The following OPN4 variants were observed in gnomAD, a reference collection of about 807,000 sequenced individuals.
The protein encoded by OPN4 is opsin 4, also known as melanopsin.
Under a neutral mutation model 49.5 loss-of-function variants are expected in OPN4, and 43 were observed. That is an observed-to-expected ratio of 0.87 (90% CI 0.68 to 1.12). The LOEUF is 1.12. OPN4 is among the 50% of genes most tolerant of loss of function. The pLI is 0.00. For synonymous variants in OPN4, 263 were observed against 258.0 expected (o/e 1.02, Z -0.19); for missense variants, 657 against 643.9 (o/e 1.02, Z -0.22).
At chr10:86,664,538 C>G (rs922382633) in intron 9 of OPN4, among the ~76,000 whole-genome samples, 6 of 152,198 alleles carry the variant, frequency 3.9e-5, no homozygotes, top group Admixed American at 1.3e-4. Context: ...TTCGCCCCAG[C>G]TGACAGCTCC....
chr10:86,663,576 A>C, intron 8 of OPN4, 83 bp from the exon 9 acceptor site: 1 of 1,296,768 alleles, frequency 7.7e-7, no homozygotes, highest in Non-Finnish European at 1.0e-6. Context: ...TGGGAGGATG[A>C]AGGAGGGCCT....
rs143330369 is a variant in OPN4, at chr10:86,654,797, C to T, written c.14C>T (p.Ser5Leu). The change falls in exon 1 of 10, where the codon TCG becomes TTG. Residue 5 changes from serine to leucine, a missense_variant. Ser to Leu is a moderately radical substitution (Grantham distance 145). Transcript: ENST00000241891. Reference protein sequence around the residue: MNPPSGPRVPPSPTQ... With the variant: MNPPLGPRVPPSPTQ... ...TCCCAACTCAGGATGAACCCTCCTTCGGGGCCAAGAGTCCCGCCCAGCCCA... is the reference window on the plus strand; with the variant it reads ...TCCCAACTCAGGATGAACCCTCCTTTGGGGCCAAGAGTCCCGCCCAGCCCA... 2.4e-4 allele frequency: 394 copies of T among 1,612,120 alleles called. 1 individual carries two copies. In the African/African-American group the frequency reaches 4.7e-3, roughly 19 times the overall value.
At position 86,658,540 on chromosome 10, in the gene OPN4, CT is replaced by C; in HGVS notation, c.482del (p.Leu161ArgfsTer11). ...ALFGISSMIT[L>X]TAIALDRYLV... ...CTTTGGCATTTCCTCCATGATCACC[CT>C]GACGGCCATCGCCCTGGACCGCTAC... On this transcript the variant is annotated frameshift_variant, in exon 4 of 10. Transcript: ENST00000241891. LOFTEE classifies it high-confidence loss of function. 6.2e-7 allele frequency: 1 copy of C among 1,614,240 alleles called. No individual in the cohort carries two copies. Among genetic ancestry groups the C allele is most frequent in the Non-Finnish European group, 8.5e-7 (1 of 1,180,050 alleles).
intron 9 of OPN4, among the ~76,000 whole-genome samples, chr10:86,664,143 C>A (rs576097778): frequency 3.9e-5 from 6 of 152,288 alleles, no homozygotes; most frequent in African/African-American, 1.4e-4. Flanking sequence ...GAGCATAGCT[C>A]GAGCATGTGT....
At chr10:86,665,370 T>C (rs1844130723) in intron 9 of OPN4, among the ~76,000 whole-genome samples, 1 of 151,918 alleles carries the variant, frequency 6.6e-6, no homozygotes, top group African/African-American at 2.4e-5. Context: ...AGGAAAGGGA[T>C]GACCCATTTA....
At chr10:86,665,605 C>A in intron 9 of OPN4, 108 bp from the exon 10 acceptor site, 1 of 897,622 alleles carries the variant, frequency 1.1e-6, no homozygotes, top group Non-Finnish European at 1.8e-6. Flanking sequence ...CTGGCCCTTC[C>A]ATGCAACCTC....
chr10:86,661,909 C>T (rs958106418), intron 7 of OPN4, among the ~76,000 whole-genome samples: 1 of 152,140 alleles, frequency 6.6e-6, no homozygotes, highest in Non-Finnish European at 1.5e-5. Context: ...TGAGCCCGTC[C>T]AGCACAGAGG....
At chr10:86,656,646 G>A (rs111804753) in intron 2 of OPN4, among the ~76,000 whole-genome samples, 2 of 152,068 alleles carry the variant, frequency 1.3e-5, no homozygotes, top group Non-Finnish European at 2.9e-5. Flanking sequence ...CTCCCCCTGC[G>A]TTGAAGAGCA....
At chr10:86,657,808 C>A (rs1482929740) in intron 2 of OPN4, among the ~76,000 whole-genome samples, 1 of 152,180 alleles carries the variant, frequency 6.6e-6, no homozygotes, top group Admixed American at 6.5e-5. Flanking sequence ...TTGGGGTCCT[C>A]ACTCAGCAGA....
chr10:86,664,877 A>G (rs1844107184), intron 9 of OPN4, among the ~76,000 whole-genome samples: 1 of 152,182 alleles, frequency 6.6e-6, no homozygotes, highest in Admixed American at 6.5e-5. Context: ...TTGGAGGGAT[A>G]GGCTCAGGGG....
chr10:86,657,411 C>T (rs1411508777), intron 2 of OPN4, among the ~76,000 whole-genome samples: 1 of 152,082 alleles, frequency 6.6e-6, no homozygotes, highest in Non-Finnish European at 1.5e-5. Flanking sequence ...CTGGCCCGGC[C>T]GTGGTGCACA....
Position 86,660,055 on chromosome 10 carries a change from G to T in OPN4, c.961G>T (p.Ala321Ser). The T allele has an allele frequency of 6.2e-7, 1 of 1,614,174 alleles. No individual in the cohort carries two copies. Among genetic ancestry groups the T allele is most frequent in the Non-Finnish European group, 8.5e-7 (1 of 1,179,998 alleles). The change falls in exon 6 of 10, where the codon GCT becomes TCT. Residue 321 changes from alanine to serine, a missense_variant. By Grantham distance (99) the Ala-to-Ser change is moderately conservative. Transcript: ENST00000241891. The part of the protein sequence containing the change: ...PYSAVALVAF[A>S]GYAHVLTPYM... ...TTCCGCTGTGGCCCTGGTGGCCTTT[G>T]CTGGGTAAGCAGTGGCTAAAGGGTT... is the stretch of plus-strand genomic sequence containing the variant.
chr10:86,657,676 C>T (rs1242254848), intron 2 of OPN4, among the ~76,000 whole-genome samples: 1 of 152,122 alleles, frequency 6.6e-6, no homozygotes, highest in East Asian at 1.9e-4. Flanking sequence ...TGGTGTGAGT[C>T]GTGCAGAGGA....
intron 9 of OPN4, among the ~76,000 whole-genome samples, chr10:86,664,691 C>T (rs775521348): frequency 6.6e-6 from 1 of 152,184 alleles, no homozygotes; most frequent in African/African-American, 2.4e-5. Context: ...CATCCAAGAA[C>T]GAAAGCCCTG....
At chr10:86,661,100 C>G (rs963706575) in intron 6 of OPN4, among the ~76,000 whole-genome samples, 181 bp from the exon 7 acceptor site, 1 of 148,504 alleles carries the variant, frequency 6.7e-6, no homozygotes, top group Non-Finnish European at 1.5e-5. Flanking sequence ...GCCACTCCAG[C>G]ATGGGCGACA....
chr10:86,664,577 A>C (rs1844100186), intron 9 of OPN4, among the ~76,000 whole-genome samples: 1 of 152,200 alleles, frequency 6.6e-6, no homozygotes, highest in East Asian at 1.9e-4. Context: ...ACACCCACAC[A>C]ACACCCTCAG....
intron 2 of OPN4, 38 bp downstream of exon 2, chr10:86,656,338 G>A (rs1305698777): frequency 1.3e-6 from 2 of 1,555,506 alleles, no homozygotes; most frequent in East Asian, 2.3e-5. Flanking sequence ...GGCACTGAGG[G>A]TGGCAGCCAT....
At chr10:86,659,765 C>A in intron 5 of OPN4, 130 bp from the exon 6 acceptor site, 3 of 981,074 alleles carry the variant, frequency 3.1e-6, no homozygotes, top group South Asian at 1.6e-5. Flanking sequence ...GGGCTGCCTG[C>A]ACTGGAAGGA....
At chr10:86,659,529 C>A in intron 5 of OPN4, 61 bp downstream of exon 5, 1 of 1,563,866 alleles carries the variant, frequency 6.4e-7, no homozygotes, top group South Asian at 1.2e-5. Context: ...CCAGGCGGCC[C>A]CTGCCCCACC....
Sources: allele counts gnomAD v4.1 joint callset (sites outside exome capture counted in the v4.1 genomes callset), GRCh38; gene constraint gnomAD v4.1.1; transcripts MANE v1.5; gene names NCBI Gene and HGNC (gene_info 2026-07-23, HGNC 2026-07-21).